Variants in PCNX2 observed in about 807,000 individuals in gnomAD.
PCNX2 encodes pecanex 2.
Under a neutral mutation model 223.8 loss-of-function variants are expected in PCNX2, and 168 were observed. That is an observed-to-expected ratio of 0.75 (90% CI 0.66 to 0.85). PCNX2 has a LOEUF of 0.85. Ranked by LOEUF, PCNX2 falls within the 40% of genes least tolerant of loss-of-function variation. The pLI is 0.00. For missense variants in PCNX2, 2,507 were observed against 2,675.5 expected, an observed-to-expected ratio of 0.94 and a Z score of 1.39; for synonymous variants, 1,006 against 1,052.6, an observed-to-expected ratio of 0.96 and a Z score of 0.86.
chr1:233,179,103 G>A lies in PCNX2; in HGVS notation c.3139C>T (p.His1047Tyr), dbSNP rs1404712779. ...GGGTCACTGCTCTGACGGCTCAGAT[G>A]GTAAGAAAGGGCGACCAAGAGGCCA... is the stretch of plus-strand genomic sequence containing the variant. ...FCGLLVALSY[H>Y]LSRQSSDPSV... Residue 1047 changes from histidine to tyrosine, a missense_variant, in exon 16 of 34, where the codon CAT (histidine) becomes TAT (tyrosine). By Grantham distance (83) the His-to-Tyr change is moderately conservative. Coordinates refer to ENST00000258229, the MANE Select transcript of PCNX2 (RefSeq NM_014801.4). 1.9e-5 allele frequency: 31 copies of A among 1,613,848 alleles called. No individual in the cohort carries two copies. The highest frequency in any genetic ancestry group is 2.5e-5 in the Non-Finnish European group (30 of 1,179,838).
At position 233,146,066 on chromosome 1, in the gene PCNX2, C is replaced by A. The variant is rs557009697; in HGVS notation, c.3518-6211G>T. On this transcript the variant is annotated intron_variant, in intron 19 of 33. Transcript: ENST00000258229. The stretch of plus-strand genomic sequence containing the variant: ...GAAACCATAATCAGAAATACGGTCC[C>A]AAGCATTTTAAATAAGAGGTACTCA... 4.6e-5 allele frequency among the ~76,000 whole-genome samples: 7 copies of A among 152,314 alleles called. No individual in the cohort carries two copies. In the South Asian group the frequency reaches 1.5e-3, roughly 32 times the overall value.
At chr1:233,056,168 A>G (rs966430834) in intron 24 of PCNX2, among the ~76,000 whole-genome samples, 4 of 152,154 alleles carry the variant, frequency 2.6e-5, no homozygotes, top group Admixed American at 1.3e-4. Flanking sequence ...CATTTTCTCT[A>G]ATGAAGCAGC....
intron 23 of PCNX2, among the ~76,000 whole-genome samples, chr1:233,083,928 A>G (rs1673477884): frequency 6.6e-6 from 1 of 152,222 alleles, no homozygotes; most frequent in African/African-American, 2.4e-5. Flanking sequence ...GCAGGGATAC[A>G]TAATATATGT....
chr1:233,036,042 T>C (rs1671442332), intron 25 of PCNX2, among the ~76,000 whole-genome samples: 1 of 150,104 alleles, frequency 6.7e-6, no homozygotes, highest in South Asian at 2.1e-4. Context: ...TGAAATAATG[T>C]CAAAAAAAGA....
intron 26 of PCNX2, among the ~76,000 whole-genome samples, chr1:233,020,582 G>A (rs539846836): frequency 2.0e-5 from 3 of 152,356 alleles, no homozygotes; most frequent in South Asian, 4.1e-4. Context: ...CTAGGAAGGC[G>A]GGCCTGGCAG....
intron 4 of PCNX2, among the ~76,000 whole-genome samples, chr1:233,260,282 C>T (rs1365084401): frequency 6.6e-6 from 1 of 152,056 alleles, no homozygotes; most frequent in African/African-American, 2.4e-5. Flanking sequence ...TACTGCAATT[C>T]TTAGTACAAG....
chr1:233,297,513 C>A (rs1668400537), upstream of PCNX2, among the ~76,000 whole-genome samples: 1 of 152,090 alleles, frequency 6.6e-6, no homozygotes, highest in South Asian at 2.1e-4. Context: ...GGGGTGGTGT[C>A]AATAAGCACC....
chr1:233,219,400 G>A (rs1394866539), intron 10 of PCNX2, among the ~76,000 whole-genome samples: 2 of 152,096 alleles, frequency 1.3e-5, no homozygotes, highest in Admixed American at 1.3e-4. Flanking sequence ...GTGAGGCCAT[G>A]GAAGGAAGTG....
intron 25 of PCNX2, among the ~76,000 whole-genome samples, chr1:233,046,557 G>A (rs530924780): frequency 6.6e-5 from 10 of 152,290 alleles, no homozygotes; most frequent in African/African-American, 2.4e-4. Flanking sequence ...AAGAGTGAGT[G>A]GTATTGGGGC....
In PCNX2 at chr1:233,139,861, A is replaced by G; in HGVS notation, c.3518-6T>C. The G allele has an allele frequency of 6.2e-7, 1 of 1,610,314 alleles. No homozygotes were observed. Among genetic ancestry groups the G allele is most frequent in the South Asian group, 1.1e-5 (1 of 90,398 alleles). On this transcript the variant is annotated splice_region_variant and splice_polypyrimidine_tract_variant and intron_variant, in intron 19 of 33. Transcript: ENST00000258229. This position sits in a 1 kb window ranked among gnomAD's most constrained non-coding sequence, Gnocchi z 4.4. ...CCACATTAAATGGGCAACATCTGAAAGAAATATAAAAACCACTTAGAACAA... is the reference window on the plus strand; with the variant it reads ...CCACATTAAATGGGCAACATCTGAAGGAAATATAAAAACCACTTAGAACAA...
At chr1:233,063,941 T>C (rs1425693121) in intron 23 of PCNX2, among the ~76,000 whole-genome samples, 2 of 152,176 alleles carry the variant, frequency 1.3e-5, no homozygotes, top group Non-Finnish European at 2.9e-5. Context: ...TTAATGACTA[T>C]ATGCATTTAT....
chr1:233,160,562 T>C (rs1432625550), intron 18 of PCNX2, 129 bp from the exon 19 acceptor site: 3 of 1,067,282 alleles, frequency 2.8e-6, no homozygotes, highest in South Asian at 1.6e-5. Context: ...TCAGTTCTTG[T>C]TTCAGGCCTC....
At chr1:233,215,382 TCTGA>T (rs1342395720) in intron 12 of PCNX2, among the ~76,000 whole-genome samples, 2 of 152,246 alleles carry the variant, frequency 1.3e-5, no homozygotes, top group South Asian at 2.1e-4. Context: ...TAGTTAAATG[TCTGA>T]CTATGTCTTA....
intron 19 of PCNX2, among the ~76,000 whole-genome samples, chr1:233,149,671 G>T (rs1677678893): frequency 6.6e-6 from 1 of 152,148 alleles, no homozygotes; most frequent in Non-Finnish European, 1.5e-5. Flanking sequence ...TACACATGTT[G>T]TTTATTCTCT....
At chr1:233,046,389 A>G (rs1400604750) in intron 25 of PCNX2, among the ~76,000 whole-genome samples, 3 of 152,218 alleles carry the variant, frequency 2.0e-5, no homozygotes, top group African/African-American at 7.2e-5. Context: ...ATACTGTACT[A>G]TATGTTGCAA....
At chr1:233,099,232 C>T (rs1300668716) in intron 21 of PCNX2, among the ~76,000 whole-genome samples, 2 of 152,200 alleles carry the variant, frequency 1.3e-5, no homozygotes, top group Non-Finnish European at 2.9e-5. Context: ...TAGGAAGAAC[C>T]TGCCTGACAT....
the PCNX2 span, among the ~76,000 whole-genome samples, chr1:233,325,387 G>C: frequency 4.0e-5 from 6 of 151,662 alleles, no homozygotes; most frequent in African/African-American, 1.5e-4. Flanking sequence ...GGCCAGGCAC[G>C]ATAGCTCACA....
chr1:233,279,042 C>T (rs141675988), intron 1 of PCNX2, among the ~76,000 whole-genome samples: 55 of 152,090 alleles, frequency 3.6e-4, no homozygotes, highest in African/African-American at 1.2e-3. Context: ...TGGAATAAAC[C>T]GTTTTTTCCA....
At position 233,198,936 on chromosome 1, in the gene PCNX2, T is replaced by TACC. The variant is rs1232157383; in HGVS notation, c.3066_3066+2dup. The TACC allele has an allele frequency of 6.2e-7, 1 of 1,600,594 alleles. No homozygotes were observed. The highest frequency in any genetic ancestry group is 8.5e-7 in the Non-Finnish European group (1 of 1,173,690). ...GATGAGGGCCCATGGTCCTCACACC[T>TACC]ACCTTCACTGCACTGAAGCAGACTG... On this transcript the variant is annotated splice_region_variant and intron_variant, in intron 15 of 33. Transcript: ENST00000258229.
Sources: allele counts gnomAD v4.1 joint callset (sites outside exome capture counted in the v4.1 genomes callset), GRCh38; gene constraint gnomAD v4.1.1; non-coding constraint Gnocchi (gnomAD v3.1); transcripts MANE v1.5; gene names NCBI Gene and HGNC (gene_info 2026-07-23, HGNC 2026-07-21).